Variants in COL19A1 observed in about 807,000 individuals in gnomAD.
The protein encoded by COL19A1 is collagen type XIX alpha 1 chain.
Under a neutral mutation model 190.2 loss-of-function variants are expected in COL19A1, and 159 were observed. The observed-to-expected ratio is 0.84, with a 90% CI of 0.73 to 0.95. The LOEUF (loss-of-function observed/expected upper bound fraction) is 0.95, where lower values mean the gene tolerates loss of function less well. COL19A1 is among the 40% of genes least tolerant of loss of function. The pLI is 0.00. For missense variants in COL19A1, 1,418 were observed against 1,431.9 expected (o/e 0.99, Z 0.16); for synonymous variants, 509 against 458.9 (o/e 1.11, Z -1.39).
At chr6:70,072,546 T>G (rs753075049) in intron 15 of COL19A1, among the ~76,000 whole-genome samples, 5 of 152,152 alleles carry the variant, frequency 3.3e-5, no homozygotes, top group African/African-American at 2.4e-5. Context: ...CCCTCTATCC[T>G]GCCCTGTCTT....
intron 14 of COL19A1, among the ~76,000 whole-genome samples, chr6:70,058,211 A>C (rs978551983): frequency 6.6e-6 from 1 of 152,010 alleles, no homozygotes; most frequent in Non-Finnish European, 1.5e-5. Context: ...TATGATTAAA[A>C]TATATTCCTG....
chr6:70,097,924 T>A (rs1783384349), intron 15 of COL19A1, among the ~76,000 whole-genome samples: 1 of 152,184 alleles, frequency 6.6e-6, no homozygotes, highest in Non-Finnish European at 1.5e-5. Context: ...AGCAGATATC[T>A]GACTTATCTC....
intron 16 of COL19A1, among the ~76,000 whole-genome samples, chr6:70,112,641 T>C (rs1784347709): frequency 6.6e-6 from 1 of 152,052 alleles, no homozygotes; most frequent in Non-Finnish European, 1.5e-5. Context: ...GAAAACAAAG[T>C]GTTAAAAAAT....
At chr6:69,937,298 C>G (rs2150020835) in intron 8 of COL19A1, among the ~76,000 whole-genome samples, 1 of 152,242 alleles carries the variant, frequency 6.6e-6, no homozygotes, top group African/African-American at 2.4e-5. Flanking sequence ...CATTGTATTT[C>G]TTTTTCTGTA....
intron 9 of COL19A1, among the ~76,000 whole-genome samples, chr6:69,943,420 A>C (rs1399346428): frequency 6.6e-6 from 1 of 152,008 alleles, no homozygotes; most frequent in African/African-American, 2.4e-5. Flanking sequence ...ATATGGTCCC[A>C]TTTGTCTATT....
chr6:70,115,611 C>A (rs1582947687), intron 16 of COL19A1, among the ~76,000 whole-genome samples: 1 of 152,168 alleles, frequency 6.6e-6, no homozygotes, highest in East Asian at 1.9e-4. Context: ...GGAAAAAGAC[C>A]TCCTCCCAGG....
intron 1 of COL19A1, among the ~76,000 whole-genome samples, chr6:69,873,543 A>G (rs1476965786): frequency 6.6e-6 from 1 of 152,282 alleles, no homozygotes. Context: ...GTTACATTCT[A>G]ACTTGACATG....
chr6:69,930,609 G>T lies in COL19A1; in HGVS notation c.666+909G>T, dbSNP rs529949686. 2.5e-4 allele frequency among the ~76,000 whole-genome samples: 38 copies of T among 152,212 alleles called. 1 individual carries two copies. The highest frequency in any genetic ancestry group is 2.2e-3 in the Admixed American group (34 of 15,286). ...CGAGGTGGGCAGATGACGAGGTCAGGAGATCGAGACCATCCTGGCTAACAT... is the reference window on the plus strand; with the variant it reads ...CGAGGTGGGCAGATGACGAGGTCAGTAGATCGAGACCATCCTGGCTAACAT... On this transcript the variant is annotated intron_variant, in intron 6 of 50. Transcript: ENST00000620364.
At chr6:70,010,665 G>A (rs375408169) in intron 11 of COL19A1, among the ~76,000 whole-genome samples, 2 of 137,786 alleles carry the variant, frequency 1.5e-5, no homozygotes, top group South Asian at 2.3e-4. Context: ...CTTAAGAAAC[G>A]GCGCACCACG....
chr6:69,971,254 C>T (rs890503020), intron 11 of COL19A1, among the ~76,000 whole-genome samples: 17 of 151,964 alleles, frequency 1.1e-4, no homozygotes, highest in African/African-American at 4.1e-4. Context: ...TATATAAATA[C>T]GTAATATTTT....
intron 42 of COL19A1, among the ~76,000 whole-genome samples, chr6:70,177,352 A>G (rs1765879119): frequency 1.3e-5 from 2 of 152,020 alleles, no homozygotes. Context: ...TAAAGGCCCT[A>G]CAATCACCAC....
At position 70,004,933 on chromosome 6, in the gene COL19A1, T is replaced by C. The variant is rs140313168; in HGVS notation, c.1027-18694T>C. Among the ~76,000 whole-genome samples the C allele has an allele frequency of 1.1e-3, 166 of 151,700 alleles. 1 individual carries two copies. In the East Asian group the frequency reaches 0.028, roughly 25 times the overall value. ...CTGTAAGCTCTGCCCCCCGGGTTCA[T>C]GCCATTCTCCTGCCTCAGCCTCCTG... On this transcript the variant is annotated intron_variant, in intron 11 of 50. Transcript: ENST00000620364.
chr6:70,139,137 G>A (rs1346100348), intron 19 of COL19A1, among the ~76,000 whole-genome samples: 1 of 152,140 alleles, frequency 6.6e-6, no homozygotes, highest in Non-Finnish European at 1.5e-5. Flanking sequence ...GTGAGTTAGA[G>A]CGGTGCTTCT....
At chr6:69,921,497 T>TCATATATATCATATATTCATATATA (rs1771906052) in intron 4 of COL19A1, among the ~76,000 whole-genome samples, 1 of 109,880 alleles carries the variant, frequency 9.1e-6, no homozygotes. Flanking sequence ...TTCATATATA[T>TCATATATATCATATATTCATATATA]TCATATATAT....
chr6:70,173,240 G>A (rs1298608248), intron 41 of COL19A1, among the ~76,000 whole-genome samples: 1 of 152,176 alleles, frequency 6.6e-6, no homozygotes, highest in Non-Finnish European at 1.5e-5. Context: ...TAAAAGTAAG[G>A]AATGTGGAAA....
At chr6:70,037,713 C>T (rs1032864565) in intron 14 of COL19A1, among the ~76,000 whole-genome samples, 1 of 152,124 alleles carries the variant, frequency 6.6e-6, no homozygotes, top group Non-Finnish European at 1.5e-5. Context: ...TATTATTTCG[C>T]CTGAAATACA....
intron 2 of COL19A1, among the ~76,000 whole-genome samples, chr6:69,897,113 T>A (rs1242971090): frequency 1.3e-5 from 2 of 152,210 alleles, no homozygotes. Context: ...GTTTTACCTT[T>A]CATATTTATT....
At chr6:69,942,228 T>G (rs1210239113) in intron 9 of COL19A1, among the ~76,000 whole-genome samples, 1 of 152,194 alleles carries the variant, frequency 6.6e-6, no homozygotes, top group Non-Finnish European at 1.5e-5. Flanking sequence ...GTGTTAAGAT[T>G]TTTATTAATA....
chr6:70,145,999 A>G (rs9454992), intron 25 of COL19A1, among the ~76,000 whole-genome samples: 74,405 of 151,822 alleles, frequency 0.49, 18,974 homozygotes, highest in African/African-American at 0.62. Flanking sequence ...GGGATTACAG[A>G]CATCTTACTC....
Sources: allele counts gnomAD v4.1 joint callset (sites outside exome capture counted in the v4.1 genomes callset), GRCh38; gene constraint gnomAD v4.1.1; transcripts MANE v1.5; gene names NCBI Gene and HGNC (gene_info 2026-07-23, HGNC 2026-07-21).